The following GABRB1 variants were observed in gnomAD, a reference collection of about 807,000 sequenced individuals.
The protein encoded by GABRB1 is gamma-aminobutyric acid type A receptor subunit beta1, also known as gamma-aminobutyric acid receptor subunit beta-1.
GABRB1 carries 17 observed loss-of-function variants against 51.6 expected under a neutral mutation model. The observed-to-expected ratio is 0.33, with a 90% confidence interval of 0.23 to 0.49. The LOEUF (loss-of-function observed/expected upper bound fraction) is 0.49. Ranked by LOEUF, GABRB1 falls within the 20% of genes least tolerant of loss-of-function variation. GABRB1 has a pLI of 0.99. For synonymous variants in GABRB1, 247 were observed against 218.9 expected, an observed-to-expected ratio of 1.13 and a Z score of -1.14; for missense variants, 410 against 600.6, an observed-to-expected ratio of 0.68 and a Z score of 3.32.
intron 5 of GABRB1, among the ~76,000 whole-genome samples, chr4:47,375,100 G>A (rs1016701379): frequency 6.6e-6 from 1 of 152,138 alleles, no homozygotes; most frequent in African/African-American, 2.4e-5. Context: ...TGAACCTAGG[G>A]GCATTATTAG....
At chr4:47,287,107 T>A (rs1442649617) in intron 4 of GABRB1, among the ~76,000 whole-genome samples, 1 of 151,946 alleles carries the variant, frequency 6.6e-6, no homozygotes, top group East Asian at 1.9e-4. Context: ...AATCACACTA[T>A]CATTGGGAAA....
chr4:47,211,475 C>A (rs1720356465), intron 4 of GABRB1, among the ~76,000 whole-genome samples: 1 of 152,074 alleles, frequency 6.6e-6, no homozygotes. Flanking sequence ...AGATGACATA[C>A]TCAAACTAGG....
chr4:47,355,483 A>AT (rs1166594850), intron 5 of GABRB1, among the ~76,000 whole-genome samples: 7 of 152,292 alleles, frequency 4.6e-5, no homozygotes, highest in Admixed American at 1.3e-4. Context: ...ACAAATGAAA[A>AT]TAACCTTAGA....
chr4:47,395,339 G>A (rs906458656), intron 5 of GABRB1, among the ~76,000 whole-genome samples: 6 of 152,148 alleles, frequency 3.9e-5, no homozygotes, highest in African/African-American at 9.7e-5. Context: ...AGAAGAAAGC[G>A]AGAGAGAGCA....
At chr4:47,346,047 C>CAAAAA (rs10672251) in intron 5 of GABRB1, among the ~76,000 whole-genome samples, 6,324 of 142,780 alleles carry the variant, frequency 0.044, 355 homozygotes, top group East Asian at 0.27. Flanking sequence ...TTGAAAATGG[C>CAAAAA]AAAAAAAAAA....
In GABRB1 at chr4:47,148,288, A is replaced by G. The variant is rs570746316; in HGVS notation, c.241-12961A>G. On this transcript the variant is annotated intron_variant, in intron 3 of 8. Transcript: ENST00000295454. ...CCCGATTTAAAGGTGGGTGGGCATA[A>G]TTCTATTTTGGGCCAGAGATAGTTC... Among the ~76,000 whole-genome samples the G allele has an allele frequency of 2.6e-5, 4 of 152,070 alleles. No homozygotes were observed. The South Asian group carries it at 6.2e-4, about 24-fold the overall frequency.
At chr4:47,040,594 C>T (rs1725798139) in intron 3 of GABRB1, among the ~76,000 whole-genome samples, 1 of 151,748 alleles carries the variant, frequency 6.6e-6, no homozygotes, top group Non-Finnish European at 1.5e-5. Flanking sequence ...GACACATTTT[C>T]AGGAAAAAAA....
intron 3 of GABRB1, among the ~76,000 whole-genome samples, chr4:47,142,796 A>T (rs1258924069): frequency 6.6e-6 from 1 of 151,910 alleles, no homozygotes; most frequent in Non-Finnish European, 1.5e-5. Context: ...CAAGGAAGAT[A>T]CCCAAGTGAA....
intron 4 of GABRB1, among the ~76,000 whole-genome samples, chr4:47,199,853 A>G (rs1343320635): frequency 6.6e-6 from 1 of 152,176 alleles, no homozygotes; most frequent in Non-Finnish European, 1.5e-5. Context: ...TAGTCTAGAC[A>G]GAGAAAAAAA....
At chr4:47,177,921 T>C (rs377044460) in intron 4 of GABRB1, among the ~76,000 whole-genome samples, 2 of 151,532 alleles carry the variant, frequency 1.3e-5, no homozygotes, top group East Asian at 3.9e-4. Context: ...TACAGGCACA[T>C]GTCTGGAATG....
chr4:47,061,303 T>C (rs1726837391), intron 3 of GABRB1, among the ~76,000 whole-genome samples: 1 of 152,140 alleles, frequency 6.6e-6, no homozygotes, highest in Admixed American at 6.6e-5. Flanking sequence ...AAAAATTGGA[T>C]CATTGGTCTT....
intron 4 of GABRB1, among the ~76,000 whole-genome samples, chr4:47,201,442 C>T (rs1325982140): frequency 6.6e-6 from 1 of 152,086 alleles, no homozygotes; most frequent in Admixed American, 6.6e-5. Context: ...GAAAAAATTA[C>T]CACTTTTTAT....
intron 4 of GABRB1, among the ~76,000 whole-genome samples, chr4:47,225,518 T>C (rs1720913565): frequency 6.6e-6 from 1 of 152,154 alleles, no homozygotes; most frequent in South Asian, 2.1e-4. Flanking sequence ...AATTCACAGA[T>C]ATCTCTTTTT....
At chr4:47,123,694 AT>A (rs1715938252) in intron 3 of GABRB1, among the ~76,000 whole-genome samples, 1 of 49,972 alleles carries the variant, frequency 2.0e-5, no homozygotes, top group Non-Finnish European at 3.3e-5. Context: ...TATATGATAT[AT>A]TATATATATA....
intron 3 of GABRB1, among the ~76,000 whole-genome samples, chr4:47,094,132 A>C (rs187312759): frequency 6.6e-6 from 1 of 152,020 alleles, no homozygotes; most frequent in Non-Finnish European, 1.5e-5. Flanking sequence ...TCCTTTGGCT[A>C]TGATTGGAAA....
chr4:47,053,672 G>A (rs986354492), intron 3 of GABRB1, among the ~76,000 whole-genome samples: 1 of 152,208 alleles, frequency 6.6e-6, no homozygotes, highest in Admixed American at 6.5e-5. Flanking sequence ...TGGAAAGAAG[G>A]TGTGACCATG....
chr4:47,252,736 G>T (rs1020104647), intron 4 of GABRB1, among the ~76,000 whole-genome samples: 2 of 151,934 alleles, frequency 1.3e-5, no homozygotes, highest in African/African-American at 4.8e-5. Context: ...TCAAACTCCA[G>T]ATCTCAAGTG....
chr4:47,041,728 C>A (rs1725844503), intron 3 of GABRB1, among the ~76,000 whole-genome samples: 1 of 152,058 alleles, frequency 6.6e-6, no homozygotes, highest in African/African-American at 2.4e-5. Flanking sequence ...GAATGATACA[C>A]AATTTTCTAG....
At chr4:47,096,452 G>A (rs540010754) in intron 3 of GABRB1, among the ~76,000 whole-genome samples, 1 of 152,254 alleles carries the variant, frequency 6.6e-6, no homozygotes, top group South Asian at 2.1e-4. Context: ...ATAAATAGAC[G>A]GTAGATTGCA....
Sources: gnomAD v4.1 joint callset for allele counts (sites outside exome capture counted in the v4.1 genomes callset) on GRCh38, gnomAD v4.1.1 for gene constraint, MANE v1.5 for transcripts, NCBI Gene and HGNC (gene_info 2026-07-23, HGNC 2026-07-21) for gene names.